Variants in MYO6 observed in about 807,000 individuals in gnomAD.
MYO6 encodes the protein myosin VI, also known as unconventional myosin-VI.
A neutral mutation model predicts 178.7 loss-of-function variants in MYO6; 74 were observed. The observed-to-expected ratio is 0.41, with a 90% CI of 0.34 to 0.50. MYO6 has a LOEUF of 0.50. Among genes scored for constraint, MYO6 ranks in the 20% least tolerant of loss-of-function variants. The probability of loss-of-function intolerance (pLI) is 0.09; values close to 1 mark genes in which losing one functional copy is unlikely to be tolerated. For missense variants in MYO6, 1,330 were observed against 1,547.4 expected (o/e 0.86, Z 2.36); for synonymous variants, 477 against 504.6 (o/e 0.95, Z 0.73).
chr6:75,758,968 C>T (rs1777719542), intron 1 of MYO6, among the ~76,000 whole-genome samples: 1 of 151,660 alleles, frequency 6.6e-6, no homozygotes, highest in Non-Finnish European at 1.5e-5. Flanking sequence ...CTCCCAGGTT[C>T]AAGCGATTCT....
At chr6:75,858,095 AAC>A (rs138686791) in intron 13 of MYO6, among the ~76,000 whole-genome samples, 37,246 of 151,784 alleles carry the variant, frequency 0.25, 5,550 homozygotes, top group Middle Eastern at 0.39. Flanking sequence ...CCTTTTCTAC[AAC>A]AGTTTTAGCA....
chr6:75,787,365 T>C (rs1767673289), intron 1 of MYO6, among the ~76,000 whole-genome samples: 1 of 152,026 alleles, frequency 6.6e-6, no homozygotes, highest in Non-Finnish European at 1.5e-5. Flanking sequence ...AATCAACAGA[T>C]AAGCAAATAA....
intron 1 of MYO6, among the ~76,000 whole-genome samples, chr6:75,786,969 AAAGAT>A (rs755350265): frequency 5.9e-5 from 9 of 152,214 alleles, no homozygotes; most frequent in Non-Finnish European, 1.3e-4. Flanking sequence ...CATTCATAGC[AAAGAT>A]AAGTCCCAGA....
intron 1 of MYO6, among the ~76,000 whole-genome samples, chr6:75,789,248 T>G (rs549962959): frequency 1.3e-5 from 2 of 152,312 alleles, no homozygotes; most frequent in East Asian, 3.9e-4. Context: ...AAGAAAAAAG[T>G]CACTGCCAAT....
intron 30 of MYO6, among the ~76,000 whole-genome samples, chr6:75,906,357 A>G (rs1196473835): frequency 1.3e-5 from 2 of 152,176 alleles, no homozygotes; most frequent in Admixed American, 6.5e-5. Flanking sequence ...ATATTTTCTG[A>G]TTAATGATCT....
In MYO6 at chr6:75,914,869, A is replaced by G. The variant is rs1379081024; in HGVS notation, c.3715A>G (p.Lys1239Glu). Residue 1239 changes from lysine (K) to glutamate (E), a missense_variant, in exon 35 of 35, where the codon AAG (lysine) becomes GAG (glutamate). Lys to Glu is a moderately conservative substitution (Grantham distance 56, BLOSUM62 1). Coordinates refer to ENST00000369977, the MANE Select transcript of MYO6 (RefSeq NM_004999.4). ...LNLEETGLTR[K>E]RGAEILPRQF... Reference sequence around the variant, plus strand: ...TCTTGAGGAGACTGGCCTGACTCGGAAGCGTGGTGCTGAGATCTTGCCAAG... The same window carrying G: ...TCTTGAGGAGACTGGCCTGACTCGGGAGCGTGGTGCTGAGATCTTGCCAAG... 6.2e-7 allele frequency: 1 copy of G among 1,614,144 alleles called. No individual in the cohort carries two copies.
chr6:75,859,386 G>GT (rs1775998253), intron 14 of MYO6, among the ~76,000 whole-genome samples: 1 of 150,136 alleles, frequency 6.7e-6, no homozygotes, highest in Non-Finnish European at 1.5e-5. Context: ...TGCAGCCTCC[G>GT]TTTCCCGGGT....
chr6:75,780,105 A>G (rs1276949925), intron 1 of MYO6, among the ~76,000 whole-genome samples: 1 of 152,188 alleles, frequency 6.6e-6, no homozygotes, highest in African/African-American at 2.4e-5. Flanking sequence ...AGGAAAAAAA[A>G]TTGGGTAGTG....
At chr6:75,882,876 G>T (rs944806559) in intron 23 of MYO6, among the ~76,000 whole-genome samples, 1 of 152,148 alleles carries the variant, frequency 6.6e-6, no homozygotes, top group Non-Finnish European at 1.5e-5. Flanking sequence ...GTTGGTAATT[G>T]TGCACCCAGC....
At chr6:75,793,594 T>C (rs977536222) in intron 1 of MYO6, among the ~76,000 whole-genome samples, 1 of 151,334 alleles carries the variant, frequency 6.6e-6, no homozygotes, top group Admixed American at 6.6e-5. Context: ...ACAGACACTT[T>C]CTCAAAAAAA....
chr6:75,831,013 G>T (rs1479629400), intron 5 of MYO6, among the ~76,000 whole-genome samples: 1 of 152,078 alleles, frequency 6.6e-6, no homozygotes, highest in Non-Finnish European at 1.5e-5. Flanking sequence ...TTGCATCAGG[G>T]GTTTATAAAA....
intron 1 of MYO6, among the ~76,000 whole-genome samples, chr6:75,803,948 C>G (rs1031980680): frequency 9.9e-5 from 15 of 152,164 alleles, no homozygotes; most frequent in African/African-American, 3.6e-4. Context: ...GGCTGGAGTA[C>G]AGTGGCACGA....
intron 10 of MYO6, 64 bp downstream of exon 10, chr6:75,845,041 TATA>T: frequency 7.5e-7 from 1 of 1,335,414 alleles, no homozygotes; most frequent in East Asian, 2.3e-5. Context: ...AAAGATGTGT[TATA>T]ATTTTTATTT....
At chr6:75,900,623 C>G (rs1462757258) in intron 30 of MYO6, among the ~76,000 whole-genome samples, 3 of 152,234 alleles carry the variant, frequency 2.0e-5, no homozygotes, top group East Asian at 3.9e-4. Context: ...ATTGTAGATT[C>G]TGGATATTAG....
intron 7 of MYO6, among the ~76,000 whole-genome samples, chr6:75,838,541 G>A (rs1773877162): frequency 6.6e-6 from 1 of 151,860 alleles, no homozygotes; most frequent in South Asian, 2.1e-4. Flanking sequence ...AAATTCTTCA[G>A]CAAAAACTAG....
intron 32 of MYO6, among the ~76,000 whole-genome samples, chr6:75,910,131 C>G (rs953341236): frequency 6.6e-6 from 1 of 152,154 alleles, no homozygotes; most frequent in East Asian, 1.9e-4. Context: ...TATTTTTCCT[C>G]TTCTAATTGA....
intron 6 of MYO6, among the ~76,000 whole-genome samples, chr6:75,835,542 C>T (rs1773554966): frequency 6.6e-6 from 1 of 152,124 alleles, no homozygotes; most frequent in Non-Finnish European, 1.5e-5. Context: ...AGCGATTCTC[C>T]TGCCCCAGCC....
rs763436664 is a variant in MYO6, at chr6:75,890,110, A to G, written c.2712A>G (p.Lys904=). The change falls in exon 26 of 35, where the codon AAA becomes AAG. Residue 904 remains lysine, a synonymous_variant. Transcript: ENST00000369977. ...AGAAAGAATATGATGCACTGGTTAA[A>G]AGCTCAGAGGAACTCCTCAGTGCAT... is the stretch of plus-strand genomic sequence containing the variant. The part of the protein sequence containing the change: ...QIQKEYDALV[K]SSEELLSALQ... The G allele has an allele frequency of 1.4e-5, 23 of 1,614,050 alleles. No homozygotes were observed. Among genetic ancestry groups the G allele is most frequent in the Non-Finnish European group, 1.9e-5 (22 of 1,180,008 alleles).
rs58162315 is a variant in MYO6, at chr6:75,754,519, C to CAAAAAAA, written c.-48+5117_-48+5123dup. 4.3e-3 allele frequency among the ~76,000 whole-genome samples: 191 copies of CAAAAAAA among 44,154 alleles called. 40 individuals are homozygous for CAAAAAAA. The highest frequency in any genetic ancestry group is 0.053 in the Middle Eastern group (2 of 38). The allele number at this position is 44,154 out of a possible 152,430, so 29.0% of individuals were successfully genotyped here. A position where few individuals can be genotyped will look rare whatever the true frequency, so the allele number is the denominator to read the frequency against. ...TGGACGATTGAGTGAGACTCCGTCT[C>CAAAAAAA]AAAAAAAAAAAAAAAAAAAAAAAAA... On this transcript the variant is annotated intron_variant, in intron 1 of 34. Transcript: ENST00000369977.
Sources: gnomAD v4.1 joint callset for allele counts (sites outside exome capture counted in the v4.1 genomes callset) on GRCh38, gnomAD v4.1.1 for gene constraint, MANE v1.5 for transcripts, NCBI Gene and HGNC (gene_info 2026-07-23, HGNC 2026-07-21) for gene names.